CENPE: variants seen among roughly 807,000 people sequenced by gnomAD.
CENPE encodes the protein centromere protein E, also known as centromere-associated protein E.
CENPE carries 145 observed loss-of-function variants against 336.1 expected under a neutral mutation model. The ratio of observed to expected loss-of-function variants is 0.43; its 90% CI spans 0.38 to 0.50. The LOEUF (loss-of-function observed/expected upper bound fraction) is 0.50, where lower values mean the gene tolerates loss of function less well. CENPE is among the 20% of genes least tolerant of loss of function. The probability of loss-of-function intolerance (pLI) is 0.00; values close to 1 mark genes in which losing one functional copy is unlikely to be tolerated. For missense variants in CENPE, 2,719 were observed against 3,023.3 expected (o/e 0.90, Z 2.36); for synonymous variants, 1,013 against 984.8 (o/e 1.03, Z -0.54).
In CENPE at chr4:103,159,187, T is replaced by C. The variant is rs758997798; in HGVS notation, c.2424A>G (p.Thr808=). ...IGKTKDDLAT[T]QSNYKSTDQE... is the part of the protein sequence containing the mutation. ...GATCAGTGCTTTTATAATTCGACTGTGTAGTTGCTAGGTCATCTTTTGTTT... is the reference window on the plus strand; with the variant it reads ...GATCAGTGCTTTTATAATTCGACTGCGTAGTTGCTAGGTCATCTTTTGTTT... Residue 808 remains threonine (T), a synonymous_variant, in exon 22 of 49, where the codon ACA becomes ACG. Transcript: ENST00000265148. 6.2e-7 allele frequency: 1 copy of C among 1,613,016 alleles called. No homozygotes were observed.
At chr4:103,192,227 A>T (rs1483013203) in intron 8 of CENPE, among the ~76,000 whole-genome samples, 4 of 152,204 alleles carry the variant, frequency 2.6e-5, no homozygotes, top group Non-Finnish European at 5.9e-5. Context: ...TTTCTTGCAC[A>T]GTGTCCACTA....
chr4:103,138,579 G>A (rs1752274437), intron 38 of CENPE, 130 bp from the exon 39 acceptor site: 1 of 660,892 alleles, frequency 1.5e-6, no homozygotes, highest in Admixed American at 2.5e-5. Flanking sequence ...TCACTCAAAA[G>A]CAATGTTAAA....
Position 103,160,637 on chromosome 4 carries a change from C to T in CENPE, c.2274G>A (p.Arg758=), listed in dbSNP as rs768581822. The T allele has an allele frequency of 5.0e-6, 8 of 1,607,886 alleles. No homozygotes were observed. Among genetic ancestry groups the T allele is most frequent in the Non-Finnish European group, 6.8e-6 (8 of 1,177,568 alleles). ...ELKSLPSEVE[R]LRKEIQDKSE... Reference sequence around the variant, plus strand: ...TAAATGTGTTTACCTCTTTCCTCAGCCTTTCTACTTCAGAAGGTAAAGATT... The same window carrying T: ...TAAATGTGTTTACCTCTTTCCTCAGTCTTTCTACTTCAGAAGGTAAAGATT... The change falls in exon 21 of 49, where the codon AGG becomes AGA. Residue 758 remains arginine (R), a synonymous_variant. Coordinates refer to ENST00000265148, the MANE Select transcript of CENPE (RefSeq NM_001813.3).
intron 25 of CENPE, among the ~76,000 whole-genome samples, chr4:103,152,564 C>T (rs777201899): frequency 5.3e-5 from 8 of 152,090 alleles, no homozygotes; most frequent in African/African-American, 1.2e-4. Flanking sequence ...AAGAGTTGTA[C>T]GAGAATGTTT....
Position 103,106,020 on chromosome 4 carries a change from CAAG to C in CENPE, c.*199_*201del, listed in dbSNP as rs1748867557. The C allele has an allele frequency of 5.4e-6, 2 of 370,178 alleles. No individual in the cohort carries two copies. The highest frequency in any genetic ancestry group is 9.6e-6 in the Non-Finnish European group (2 of 208,016). 22.9% of individuals were successfully genotyped at this position (370,178 alleles called of 1,614,324 possible). A position where few individuals can be genotyped will look rare whatever the true frequency, so the allele number is the denominator to read the frequency against. ...CAACTTTTAAAAGTATTACCATATGCAAGAAGAAGGTATTGCTATCACCATTCT... is the reference window on the plus strand; with the variant it reads ...CAACTTTTAAAAGTATTACCATATGCAAGAAGGTATTGCTATCACCATTCT... On this transcript the variant is annotated 3_prime_UTR_variant, in exon 49 of 49. Transcript: ENST00000265148.
chr4:103,181,245 A>C (rs1756302963), intron 12 of CENPE, 92 bp downstream of exon 12: 2 of 840,092 alleles, frequency 2.4e-6, no homozygotes, highest in Non-Finnish European at 3.4e-6. Context: ...AGCAACTCAG[A>C]TATTCAGGAA....
At chr4:103,157,495 T>A (rs1754059839) in intron 24 of CENPE, among the ~76,000 whole-genome samples, 1 of 152,028 alleles carries the variant, frequency 6.6e-6, no homozygotes, top group South Asian at 2.1e-4. Flanking sequence ...AGATAAATAC[T>A]GCATGATTCC....
At chr4:103,128,814 G>C (rs1273705559) in intron 42 of CENPE, among the ~76,000 whole-genome samples, 1 of 151,950 alleles carries the variant, frequency 6.6e-6, no homozygotes, top group Non-Finnish European at 1.5e-5. Flanking sequence ...TTTAACCTTA[G>C]GAAACTAAAA....
chr4:103,157,059 CAAA>C (rs34199706), intron 24 of CENPE, among the ~76,000 whole-genome samples: 37,203 of 97,322 alleles, frequency 0.38, 4,089 homozygotes, highest in Middle Eastern at 0.42. Flanking sequence ...TGGCTACTAT[CAAA>C]AAAAAAAAAA....
chr4:103,189,599 T>C (rs144027490), intron 8 of CENPE, among the ~76,000 whole-genome samples: 6,812 of 152,246 alleles, frequency 0.045, 500 homozygotes, highest in African/African-American at 0.15. Context: ...CAACACTTCA[T>C]GCTAAAAACT....
At chr4:103,183,842 TC>T (rs753983991) in intron 9 of CENPE, among the ~76,000 whole-genome samples, 1 of 152,188 alleles carries the variant, frequency 6.6e-6, no homozygotes, top group Admixed American at 6.5e-5. Context: ...TGTATTTATT[TC>T]CTTCCTTCTT....
chr4:103,185,975 A>G lies in CENPE; in HGVS notation c.694-114T>C, dbSNP rs79331313. The G allele has an allele frequency of 1.8e-4, 112 of 612,998 alleles. 3 individuals carry two copies. In the East Asian group the frequency reaches 2.8e-3, roughly 15 times the overall value. The allele number at this position is 612,998 out of a possible 1,614,324, so 38.0% of individuals were successfully genotyped here. ...ATATCTGAATATTCGATCTGTATCC[A>G]TGTCTCCCATGCTACTGTTTAGGCA... is the stretch of plus-strand genomic sequence containing the variant. On this transcript the variant is annotated intron_variant, in intron 8 of 48. Transcript: ENST00000265148.
intron 8 of CENPE, among the ~76,000 whole-genome samples, chr4:103,189,190 A>G (rs1560679517): frequency 1.3e-5 from 2 of 152,206 alleles, no homozygotes; most frequent in African/African-American, 4.8e-5. Flanking sequence ...AGATGGATTC[A>G]CAGCCGAATT....
chr4:103,114,072 C>G (rs946612291), intron 46 of CENPE, among the ~76,000 whole-genome samples: 9 of 152,036 alleles, frequency 5.9e-5, no homozygotes, highest in African/African-American at 2.2e-4. Flanking sequence ...TTACTGTACA[C>G]CAATTATAAC....
Position 103,195,117 on chromosome 4 carries a change from G to T in CENPE, c.474C>A (p.Val158=). The T allele has an allele frequency of 6.3e-7, 1 of 1,579,514 alleles. No individual in the cohort carries two copies. The change falls in exon 5 of 49, where the codon GTC becomes GTA. Residue 158 remains valine (V), a synonymous_variant. Transcript: ENST00000265148. ...KMKPLIIRED[V]NRNVYVADLT... ...CTCCCTTAAGTCTGCTACTCACATT[G>T]ACATCTTCTCGAATAATTAAAGGTT...
chr4:103,162,573 GA>G (rs976435045), intron 18 of CENPE, among the ~76,000 whole-genome samples: 2 of 135,488 alleles, frequency 1.5e-5, no homozygotes, highest in African/African-American at 2.6e-5. Context: ...AAATTTTACT[GA>G]TTTTTTTTTT....
At chr4:103,160,813 A>G (rs1049724097) in intron 20 of CENPE, 34 bp from the exon 21 acceptor site, 2 of 1,522,162 alleles carry the variant, frequency 1.3e-6, no homozygotes, top group East Asian at 2.3e-5. Flanking sequence ...TAAAGATCCA[A>G]TGTTGCCAAA....
In CENPE at chr4:103,158,873, G is replaced by A. The variant is rs1754182625; in HGVS notation, c.2615C>T (p.Thr872Ile). The A allele has an allele frequency of 6.3e-7, 1 of 1,595,466 alleles. No homozygotes were observed. Reference protein sequence around the residue: ...GALKTELSYKTQELQEKTREV... With the variant: ...GALKTELSYKIQELQEKTREV... ...ACGTGTTTTCTCCTGAAGTTCTTGG[G>A]TCTTGTAAGAAAGCTTTAAAAAAGA... Residue 872 changes from threonine to isoleucine, a missense_variant, in exon 23 of 49, where the codon ACC becomes ATC. Around this residue, in one of 5 missense-constraint regions of CENPE, gnomAD observed 2,437 missense variants for 2,513.3 expected, o/e 0.97. Transcript: ENST00000265148.
rs1753287730 is a variant in CENPE at position 103,148,839 on chromosome 4, C to T, written c.3843+5G>A. On this transcript the variant is annotated splice_donor_5th_base_variant and intron_variant, in intron 28 of 48. Transcript: ENST00000265148. ...GACAAAGGATGAAAGGAATAAAAGACATACCTCTTCTTGTAATTTGGTATG... is the reference window on the plus strand; with the variant it reads ...GACAAAGGATGAAAGGAATAAAAGATATACCTCTTCTTGTAATTTGGTATG... The T allele has an allele frequency of 8.1e-6, 13 of 1,609,308 alleles. No individual in the cohort carries two copies. The highest frequency in any genetic ancestry group is 1.1e-5 in the Non-Finnish European group (13 of 1,177,774).
Sources: allele counts gnomAD v4.1 joint callset (sites outside exome capture counted in the v4.1 genomes callset), GRCh38; gene constraint gnomAD v4.1.1; regional missense constraint gnomAD v4.1.1; transcripts MANE v1.5; gene names NCBI Gene and HGNC (gene_info 2026-07-23, HGNC 2026-07-21).